Variants in MAML2 observed in about 807,000 individuals in gnomAD.
The protein encoded by MAML2 is mastermind-like protein 2.
A neutral mutation model predicts 96.1 loss-of-function variants in MAML2; 22 were observed. The observed-to-expected ratio is 0.23, with a 90% CI of 0.16 to 0.33. MAML2 has a LOEUF of 0.33. MAML2 is among the 10% of genes least tolerant of loss of function. The pLI is 1.00. For synonymous variants in MAML2, 561 were observed against 521.3 expected, an observed-to-expected ratio of 1.08 and a Z score of -1.04; for missense variants, 1,367 against 1,392.4, an observed-to-expected ratio of 0.98 and a Z score of 0.29.
rs190163209 is a variant in MAML2 at position 96,342,223 on chromosome 11, C to A, written c.-328G>T. 21 of 465,456 alleles carry A rather than the reference C, an allele frequency of 4.5e-5. No homozygotes were observed. Among genetic ancestry groups the A allele is most frequent in the African/African-American group, 3.9e-4 (20 of 50,682 alleles). The allele number at this position is 465,456 out of a possible 1,614,324, so 28.8% of individuals were successfully genotyped here. On this transcript the variant is annotated 5_prime_UTR_variant, in exon 1 of 5. Transcript: ENST00000524717. ...TTTTCCTCCACCAAGCTGACAAGAG[C>A]CACTAGGTACTTTGTAAACACACGA...
chr11:96,115,371 A>T (rs775835369), intron 1 of MAML2, among the ~76,000 whole-genome samples: 18 of 151,736 alleles, frequency 1.2e-4, no homozygotes, highest in Non-Finnish European at 2.5e-4. Context: ...GCGTCTTTGT[A>T]GGTTGCCCAG....
intron 1 of MAML2, among the ~76,000 whole-genome samples, chr11:96,291,287 G>A (rs757492075): frequency 2.0e-5 from 3 of 151,628 alleles, no homozygotes; most frequent in African/African-American, 4.8e-5. Context: ...CACCTCACCC[G>A]GCTAATTTTT....
chr11:96,274,734 A>T (rs766305347), intron 1 of MAML2, among the ~76,000 whole-genome samples: 5 of 152,222 alleles, frequency 3.3e-5, no homozygotes, highest in Non-Finnish European at 7.4e-5. Flanking sequence ...TATAGCTCAT[A>T]TGTCTAACTC....
At chr11:96,170,836 T>A (rs1751024889) in intron 1 of MAML2, among the ~76,000 whole-genome samples, 1 of 152,148 alleles carries the variant, frequency 6.6e-6, no homozygotes, top group South Asian at 2.1e-4. Context: ...TGCCTCAGCC[T>A]CCCGAGTAGC....
chr11:96,325,499 C>T (rs942140152), intron 1 of MAML2, among the ~76,000 whole-genome samples: 2 of 152,170 alleles, frequency 1.3e-5, no homozygotes, highest in African/African-American at 4.8e-5. Flanking sequence ...ATAGCTCCAT[C>T]TTTTTCAGTG....
At chr11:96,257,846 G>A (rs944192993) in intron 1 of MAML2, among the ~76,000 whole-genome samples, 3 of 152,162 alleles carry the variant, frequency 2.0e-5, no homozygotes, top group Non-Finnish European at 4.4e-5. Context: ...TAATGAATTG[G>A]GAAGAGGAGC....
At chr11:96,068,829 CAAA>C (rs538393436) in intron 2 of MAML2, among the ~76,000 whole-genome samples, 1 of 76,648 alleles carries the variant, frequency 1.3e-5, no homozygotes. Context: ...GACTCCTTCT[CAAA>C]AAAAAAAAAA....
intron 2 of MAML2, among the ~76,000 whole-genome samples, chr11:96,011,577 G>A (rs1343342454): frequency 1.3e-5 from 2 of 152,084 alleles, no homozygotes; most frequent in African/African-American, 4.8e-5. Flanking sequence ...AAGGGGGAGG[G>A]TGGGAGAGAG....
At chr11:96,293,076 C>G (rs113314532) in intron 1 of MAML2, among the ~76,000 whole-genome samples, 2,498 of 152,292 alleles carry the variant, frequency 0.016, 27 homozygotes, top group Non-Finnish European at 0.02. Flanking sequence ...AGGTTATCCA[C>G]ATCTTAGACA....
intron 1 of MAML2, among the ~76,000 whole-genome samples, chr11:96,272,892 G>C (rs1471240409): frequency 6.6e-6 from 1 of 152,148 alleles, no homozygotes; most frequent in Non-Finnish European, 1.5e-5. Flanking sequence ...TTTTACTTAA[G>C]GTTATTCTGT....
At chr11:96,328,309 C>T (rs1863812183) in intron 1 of MAML2, among the ~76,000 whole-genome samples, 1 of 152,032 alleles carries the variant, frequency 6.6e-6, no homozygotes, top group African/African-American at 2.4e-5. Flanking sequence ...TCCAGCAAAT[C>T]TTAACAGAAG....
intron 2 of MAML2, among the ~76,000 whole-genome samples, chr11:96,014,902 A>G (rs1457165344): frequency 6.6e-6 from 1 of 152,222 alleles, no homozygotes; most frequent in Admixed American, 6.5e-5. Flanking sequence ...TTAATTCATC[A>G]ATAACTATAA....
chr11:96,294,317 TA>T (rs71040140), intron 1 of MAML2, among the ~76,000 whole-genome samples: 35,109 of 146,532 alleles, frequency 0.24, 4,113 homozygotes, highest in Middle Eastern at 0.29. Flanking sequence ...TAACCCATTG[TA>T]AAAAAAAAAA....
At chr11:96,157,641 T>C (rs1415291503) in intron 1 of MAML2, among the ~76,000 whole-genome samples, 2 of 152,272 alleles carry the variant, frequency 1.3e-5, no homozygotes, top group Non-Finnish European at 2.9e-5. Context: ...AAGGGTATTT[T>C]ACTTATCTGT....
chr11:96,086,165 T>C (rs1207485856), intron 2 of MAML2, among the ~76,000 whole-genome samples: 1 of 152,180 alleles, frequency 6.6e-6, no homozygotes, highest in Non-Finnish European at 1.5e-5. Flanking sequence ...GAAGGAACCA[T>C]GTTTTCCTGA....
intron 1 of MAML2, among the ~76,000 whole-genome samples, chr11:96,324,331 A>G (rs959245074): frequency 2.0e-5 from 3 of 152,234 alleles, no homozygotes; most frequent in Non-Finnish European, 2.9e-5. Flanking sequence ...ATATGTTAAC[A>G]TTCAGAAAAC....
intron 3 of MAML2, among the ~76,000 whole-genome samples, chr11:95,988,923 G>A (rs1329737715): frequency 1.3e-5 from 2 of 152,116 alleles, no homozygotes; most frequent in East Asian, 3.8e-4. Flanking sequence ...ATCTGTTATA[G>A]TACATATCTG....
chr11:96,039,543 A>G (rs1249893525), intron 2 of MAML2, among the ~76,000 whole-genome samples: 1 of 152,180 alleles, frequency 6.6e-6, no homozygotes, highest in Admixed American at 6.5e-5. Context: ...TTTGCATTGA[A>G]TATGGGAAGG....
At chr11:96,125,710 G>C (rs1860427811) in intron 1 of MAML2, among the ~76,000 whole-genome samples, 2 of 152,142 alleles carry the variant, frequency 1.3e-5, no homozygotes, top group African/African-American at 2.4e-5. Flanking sequence ...AATGAGTAAA[G>C]GTCCTCCAGT....
Sources: allele counts gnomAD v4.1 joint callset (sites outside exome capture counted in the v4.1 genomes callset), GRCh38; gene constraint gnomAD v4.1.1; transcripts MANE v1.5; gene names NCBI Gene and HGNC (gene_info 2026-07-23, HGNC 2026-07-21).